MPPED1: variants seen among roughly 807,000 people sequenced by gnomAD.
The protein encoded by MPPED1 is metallophosphoesterase domain-containing protein 1.
A neutral mutation model predicts 36.2 loss-of-function variants in MPPED1; 16 were observed. The ratio of observed to expected loss-of-function variants is 0.44; its 90% CI spans 0.30 to 0.67. The LOEUF (loss-of-function observed/expected upper bound fraction) is 0.67, where lower values mean the gene tolerates loss of function less well. MPPED1 is among the 30% of genes least tolerant of loss of function. MPPED1 has a pLI of 0.10. For missense variants in MPPED1, 307 were observed against 453.4 expected, an observed-to-expected ratio of 0.68 and a Z score of 2.93; for synonymous variants, 199 against 191.3, an observed-to-expected ratio of 1.04 and a Z score of -0.33.
At chr22:43,463,851 C>CTTTCTTTCTTTCTT (rs1931059305) in intron 3 of MPPED1, among the ~76,000 whole-genome samples, 2 of 117,672 alleles carry the variant, frequency 1.7e-5, no homozygotes, top group Non-Finnish European at 3.7e-5. Flanking sequence ...TTCTTTCTTT[C>CTTTCTTTCTTTCTT]TTTCTTTCTT....
chr22:43,420,203 G>A (rs1006822396), intron 1 of MPPED1, among the ~76,000 whole-genome samples: 1 of 152,078 alleles, frequency 6.6e-6, no homozygotes, highest in Non-Finnish European at 1.5e-5. Context: ...GGAATTTAAT[G>A]GGAACCCTTC....
At chr22:43,486,255 G>T (rs1931909158) in intron 4 of MPPED1, among the ~76,000 whole-genome samples, 1 of 152,226 alleles carries the variant, frequency 6.6e-6, no homozygotes, top group Non-Finnish European at 1.5e-5. Context: ...TCACTGGGGT[G>T]CTGGCAGTGT....
intron 1 of MPPED1, among the ~76,000 whole-genome samples, chr22:43,424,671 G>T (rs921480702): frequency 8.0e-6 from 1 of 125,530 alleles, no homozygotes; most frequent in African/African-American, 3.0e-5. Flanking sequence ...ACAGTGCTGT[G>T]GGTTGTTTTT....
chr22:43,463,827 CT>C (rs1569078029), intron 3 of MPPED1, among the ~76,000 whole-genome samples: 1 of 90,626 alleles, frequency 1.1e-5, no homozygotes, highest in African/African-American at 3.2e-5. Flanking sequence ...TTCTTTCTTT[CT>C]TTCTTTCTTT....
At chr22:43,494,700 G>GGTA (rs1932201774) in intron 4 of MPPED1, among the ~76,000 whole-genome samples, 2 of 150,730 alleles carry the variant, frequency 1.3e-5, no homozygotes, top group South Asian at 2.1e-4. Context: ...TCACAGTGGT[G>GGTA]GTGGTGGTGG....
At chr22:43,431,021 A>ATTTTTTTTTTTTTTTTTTTTTTTT (rs135076) in intron 2 of MPPED1, among the ~76,000 whole-genome samples, 1 of 42,278 alleles carries the variant, frequency 2.4e-5, no homozygotes, top group African/African-American at 6.6e-5. Flanking sequence ...GTTGTTGTTA[A>ATTTTTTTTTTTTTTTTTTTTTTTT]TTTTTTTTTT....
In MPPED1 at chr22:43,454,731, A is replaced by G. The variant is rs536326681; in HGVS notation, c.406+19516A>G. Among the ~76,000 whole-genome samples the G allele has an allele frequency of 2.5e-4, 38 of 152,172 alleles. No individual in the cohort carries two copies. The Middle Eastern group carries it at 0.014, about 54-fold the overall frequency. ...ACACCTAGCTAATTTTTGTATTTTT[A>G]GTAGAGATGGGGTTTTGACACGTTG... On this transcript the variant is annotated intron_variant, in intron 3 of 6. Coordinates refer to ENST00000443721, the MANE Select transcript of MPPED1 (RefSeq NM_001044370.2).
At chr22:43,462,332 C>T (rs895788970) in intron 3 of MPPED1, among the ~76,000 whole-genome samples, 2 of 152,234 alleles carry the variant, frequency 1.3e-5, no homozygotes, top group Non-Finnish European at 2.9e-5. Context: ...GGCTTATGCT[C>T]AAGATAGCAG....
chr22:43,503,913 G>C (rs962676125), intron 6 of MPPED1, among the ~76,000 whole-genome samples: 8 of 152,112 alleles, frequency 5.3e-5, no homozygotes, highest in Non-Finnish European at 1.2e-4. Flanking sequence ...CCAGCACCAC[G>C]CAGGGAAGGG....
chr22:43,499,296 A>G (rs1235177812), intron 5 of MPPED1, among the ~76,000 whole-genome samples: 2 of 83,622 alleles, frequency 2.4e-5, no homozygotes, highest in Admixed American at 1.4e-4. Context: ...GATGGATGTG[A>G]TGGTGGTGGT....
At chr22:43,447,023 G>A (rs567999568) in intron 3 of MPPED1, among the ~76,000 whole-genome samples, 103 of 152,298 alleles carry the variant, frequency 6.8e-4, no homozygotes, top group African/African-American at 2.4e-3. Flanking sequence ...GTTGTGAGAC[G>A]GAGGGCAGGT....
chr22:43,496,595 G>A (rs1442530700), intron 4 of MPPED1, among the ~76,000 whole-genome samples: 2 of 26,660 alleles, frequency 7.5e-5, no homozygotes, highest in African/African-American at 8.4e-4. Flanking sequence ...GGTGGAGATG[G>A]TGGTGGTGGA....
chr22:43,441,328 C>T (rs1002004701), intron 3 of MPPED1, among the ~76,000 whole-genome samples: 6 of 152,212 alleles, frequency 3.9e-5, no homozygotes, highest in Admixed American at 6.5e-5. Flanking sequence ...CTGCTATCGT[C>T]TGTCCTGCCC....
chr22:43,493,870 A>G (rs1336337791), intron 4 of MPPED1, among the ~76,000 whole-genome samples: 1 of 152,104 alleles, frequency 6.6e-6, no homozygotes, highest in African/African-American at 2.4e-5. Flanking sequence ...GGGGATGGCA[A>G]TTGCATTACT....
intron 5 of MPPED1, among the ~76,000 whole-genome samples, chr22:43,501,501 G>A (rs577227898): frequency 1.1e-4 from 16 of 152,224 alleles, no homozygotes; most frequent in Admixed American, 2.6e-4. Context: ...CTCCTGTCTC[G>A]GGGCTGCCCA....
At chr22:43,495,579 A>G (rs1024732997) in intron 4 of MPPED1, among the ~76,000 whole-genome samples, 1 of 39,494 alleles carries the variant, frequency 2.5e-5, no homozygotes, top group Admixed American at 3.1e-4. Context: ...GTGATGGTGG[A>G]GGTGGTGGTG....
chr22:43,483,452 C>T (rs1333759000), intron 4 of MPPED1, among the ~76,000 whole-genome samples: 1 of 152,254 alleles, frequency 6.6e-6, no homozygotes, highest in African/African-American at 2.4e-5. Flanking sequence ...CAGGAAGCCC[C>T]CCAGGTGTCG....
In MPPED1 at chr22:43,468,696, A is replaced by G. The variant is rs571245783; in HGVS notation, c.407-6040A>G. Among the ~76,000 whole-genome samples, 4 of 152,198 alleles carry G rather than the reference A, an allele frequency of 2.6e-5. No homozygotes were observed. The East Asian group carries it at 7.7e-4, about 29-fold the overall frequency. On this transcript the variant is annotated intron_variant, in intron 3 of 6. Coordinates refer to ENST00000443721, the MANE Select transcript of MPPED1 (RefSeq NM_001044370.2). Reference sequence around the variant, plus strand: ...GTGTCTGATTCATGACTGTGTCCCCAGCGGAGCCTCGCCAGGGTCTGGAAC... The same window carrying G: ...GTGTCTGATTCATGACTGTGTCCCCGGCGGAGCCTCGCCAGGGTCTGGAAC...
At chr22:43,494,310 G>A (rs1251147479) in intron 4 of MPPED1, among the ~76,000 whole-genome samples, 1 of 152,220 alleles carries the variant, frequency 6.6e-6, no homozygotes, top group African/African-American at 2.4e-5. Context: ...AAAGCACTGG[G>A]ATTACAGGCA....
Sources: allele counts gnomAD v4.1 joint callset (sites outside exome capture counted in the v4.1 genomes callset), GRCh38; gene constraint gnomAD v4.1.1; transcripts MANE v1.5; gene names NCBI Gene and HGNC (gene_info 2026-07-23, HGNC 2026-07-21).